Variants in DAB1 observed in about 807,000 individuals in gnomAD.
DAB1 encodes the protein DAB adaptor protein 1.
A neutral mutation model predicts 64.6 loss-of-function variants in DAB1; 15 were observed. The ratio of observed to expected loss-of-function variants is 0.23; its 90% CI spans 0.16 to 0.36. The LOEUF (loss-of-function observed/expected upper bound fraction) is 0.36, where lower values mean the gene tolerates loss of function less well. Among genes scored for constraint, DAB1 ranks in the 10% least tolerant of loss-of-function variants. The pLI is 1.00. For synonymous variants in DAB1, 235 were observed against 251.9 expected, an observed-to-expected ratio of 0.93 and a Z score of 0.64; for missense variants, 596 against 706.7, an observed-to-expected ratio of 0.84 and a Z score of 1.78.
chr1:57,954,762 G>C (rs1168194696), intron 5 of DAB1, among the ~76,000 whole-genome samples: 1 of 152,186 alleles, frequency 6.6e-6, no homozygotes, highest in African/African-American at 2.4e-5. Context: ...TTAGAGAAGA[G>C]TTTAGCTCTG....
intron 3 of DAB1, among the ~76,000 whole-genome samples, chr1:58,385,263 A>AAGAG (rs1646395780): frequency 6.6e-6 from 1 of 152,228 alleles, no homozygotes; most frequent in Non-Finnish European, 1.5e-5. Context: ...ATTATGCCTC[A>AAGAG]ACAAAGCTAA....
intron 2 of DAB1, among the ~76,000 whole-genome samples, chr1:58,512,391 C>A (rs1001390729): frequency 2.0e-5 from 3 of 152,142 alleles, no homozygotes; most frequent in African/African-American, 7.2e-5. Context: ...ATTCAGAAAT[C>A]CTACTTCTGG....
chr1:58,380,440 G>T (rs538044586), intron 3 of DAB1, among the ~76,000 whole-genome samples: 180 of 152,322 alleles, frequency 1.2e-3, no homozygotes, highest in Non-Finnish European at 1.3e-3. Context: ...TTTTCTTCAT[G>T]AATTACCCAG....
intron 1 of DAB1, among the ~76,000 whole-genome samples, chr1:57,836,712 AGGGTT>A (rs1475283999): frequency 6.6e-6 from 1 of 152,200 alleles, no homozygotes; most frequent in African/African-American, 2.4e-5. Context: ...AAACACAGCA[AGGGTT>A]ATTGCCACAC....
intron 1 of DAB1, among the ~76,000 whole-genome samples, chr1:57,369,573 A>G (rs1680330227): frequency 6.6e-6 from 1 of 152,182 alleles, no homozygotes; most frequent in African/African-American, 2.4e-5. Flanking sequence ...TGCAGAAAAA[A>G]CAACTAACAT....
Position 57,967,369 on chromosome 1 carries a change from T to C in DAB1, n.388-83207A>G, listed in dbSNP as rs533183268. ...TGACCCGTAATGCTCACCTGTTTGA[T>C]CCTGAACTGTACTTGCTACCCACTA... On this transcript the variant is annotated intron_variant and non_coding_transcript_variant, in intron 5 of 20. Transcript: ENST00000485760. Among the ~76,000 whole-genome samples, 3 of 152,326 alleles carry C rather than the reference T, an allele frequency of 2.0e-5. No individual in the cohort carries two copies. In the East Asian group the frequency reaches 5.8e-4, roughly 29 times the overall value.
At position 57,444,848 on chromosome 1, in the gene DAB1, G is replaced by A. The variant is rs148997636; in HGVS notation, n.626-153682C>T. Among the ~76,000 whole-genome samples the A allele has an allele frequency of 3.9e-5, 6 of 152,262 alleles. No homozygotes were observed. The East Asian group carries it at 5.8e-4, about 15-fold the overall frequency. On this transcript the variant is annotated intron_variant and non_coding_transcript_variant, in intron 7 of 20. Coordinates refer to the DAB1 transcript ENST00000485760. ...GTCCTGCAAAACTATGAGAGAACAC[G>A]TCTGTAGATTTAAGTCACCGTGTTT... is the stretch of plus-strand genomic sequence containing the variant.
chr1:58,434,319 T>C (rs538374242), intron 3 of DAB1, among the ~76,000 whole-genome samples: 86 of 151,266 alleles, frequency 5.7e-4, no homozygotes, highest in Middle Eastern at 6.8e-3. Flanking sequence ...TGGTGAGAAG[T>C]AGTAGCTCTG....
rs182976835 is a variant in DAB1, at chr1:57,415,419, T to C, written c.-137+8511A>G. The stretch of plus-strand genomic sequence containing the variant: ...AAAAAAGGCTTTCTGAAACAAGACA[T>C]AAAAAGTGCTAACCATAAAAGATTG... On this transcript the variant is annotated intron_variant, in intron 1 of 14. Transcript: ENST00000371236. Among the ~76,000 whole-genome samples the C allele has an allele frequency of 2.6e-5, 4 of 152,240 alleles. No individual in the cohort carries two copies. In the East Asian group the frequency reaches 5.8e-4, roughly 22 times the overall value.
chr1:58,260,904 G>A (rs776225454), intron 4 of DAB1, among the ~76,000 whole-genome samples: 17 of 151,984 alleles, frequency 1.1e-4, no homozygotes, highest in Admixed American at 1.0e-3. Context: ...CTGGCTTCCC[G>A]AGAGTCCATA....
intron 7 of DAB1, among the ~76,000 whole-genome samples, chr1:57,523,535 G>A (rs139573173): frequency 6.6e-5 from 10 of 152,210 alleles, no homozygotes; most frequent in Non-Finnish European, 1.3e-4. Context: ...TACATCCAGC[G>A]AAAGCAAAGA....
At chr1:57,765,819 C>T (rs904339803) in intron 6 of DAB1, among the ~76,000 whole-genome samples, 1 of 152,112 alleles carries the variant, frequency 6.6e-6, no homozygotes, top group African/African-American at 2.4e-5. Context: ...TTATGAGAGA[C>T]AGGGTTTCAC....
rs34642210 is a variant in DAB1, at chr1:57,157,570, AAGAGAG to A, written c.68-12147_68-12142del. 3.6e-3 allele frequency among the ~76,000 whole-genome samples: 536 copies of A among 148,158 alleles called. 3 individuals are homozygous for A. The highest frequency in any genetic ancestry group is 0.011 in the Middle Eastern group (3 of 284). ...ATCTCTTTTTGTGCATGCACTGAGA[AAGAGAG>A]AGAGAGAGAGAGAGAGAGAGAGAAA... On this transcript the variant is annotated intron_variant, in intron 2 of 14. Coordinates refer to ENST00000371236, the MANE Select transcript of DAB1 (RefSeq NM_001365792.1).
intron 5 of DAB1, among the ~76,000 whole-genome samples, chr1:58,016,762 C>T (rs145394029): frequency 0.01 from 1,563 of 152,272 alleles, 7 homozygotes; most frequent in Non-Finnish European, 0.016. Context: ...CTGTAATAAG[C>T]TATGTACTAT....
chr1:58,154,880 T>A (rs189694525), intron 4 of DAB1, among the ~76,000 whole-genome samples: 1 of 152,248 alleles, frequency 6.6e-6, no homozygotes, highest in East Asian at 1.9e-4. Context: ...AATTATTAGC[T>A]AAGTAACTGA....
At chr1:57,147,344 A>T (rs1361917867) in intron 2 of DAB1, among the ~76,000 whole-genome samples, 2 of 124,300 alleles carry the variant, frequency 1.6e-5, no homozygotes, top group African/African-American at 5.2e-5. Context: ...CAAGTAGAAG[A>T]CACAATCCTG....
intron 5 of DAB1, among the ~76,000 whole-genome samples, chr1:58,030,317 T>G (rs1016771094): frequency 6.6e-6 from 1 of 152,214 alleles, no homozygotes; most frequent in Non-Finnish European, 1.5e-5. Context: ...CAATGATTGA[T>G]TTCTTGTTTG....
At position 57,450,554 on chromosome 1, in the gene DAB1, C is replaced by G. The variant is rs72909265; in HGVS notation, n.626-159388G>C. On this transcript the variant is annotated intron_variant and non_coding_transcript_variant, in intron 7 of 20. Coordinates refer to the DAB1 transcript ENST00000485760. ...GAGGACAAATTCTGTCCTACTATGTCACAGATTTGTTTCAATGTCAGTATT... is the reference window on the plus strand; with the variant it reads ...GAGGACAAATTCTGTCCTACTATGTGACAGATTTGTTTCAATGTCAGTATT... Among the ~76,000 whole-genome samples, 590 of 152,260 alleles carry G rather than the reference C, an allele frequency of 3.9e-3. 3 individuals carry two copies. The highest frequency in any genetic ancestry group is 0.013 in the African/African-American group (537 of 41,560).
intron 1 of DAB1, among the ~76,000 whole-genome samples, chr1:57,873,761 G>A (rs1004377144): frequency 1.3e-5 from 2 of 152,022 alleles, no homozygotes; most frequent in African/African-American, 2.4e-5. Context: ...AAGAGTATTC[G>A]TCTTATAGGA....
Sources: allele counts gnomAD v4.1 joint callset (sites outside exome capture counted in the v4.1 genomes callset), GRCh38; gene constraint gnomAD v4.1.1; transcripts MANE v1.5; gene names NCBI Gene and HGNC (gene_info 2026-07-23, HGNC 2026-07-21).